The following HTR1F variants were observed in gnomAD, a reference collection of about 807,000 sequenced individuals.
HTR1F encodes 5-hydroxytryptamine (serotonin) receptor 1F, G protein-coupled.
A neutral mutation model predicts 24.0 loss-of-function variants in HTR1F; 17 were observed. The observed-to-expected ratio is 0.71, with a 90% CI of 0.48 to 1.06. The LOEUF (loss-of-function observed/expected upper bound fraction) is 1.06. Ranked by LOEUF, HTR1F falls within the 50% of genes least tolerant of loss-of-function variation. The probability of loss-of-function intolerance (pLI) is 0.00; values close to 1 mark genes in which losing one functional copy is unlikely to be tolerated. For synonymous variants in HTR1F, 186 were observed against 156.8 expected (o/e 1.19, Z -1.39); for missense variants, 391 against 427.8 (o/e 0.91, Z 0.76).
At chr3:87,848,677 G>T (rs1705005371) in intron 2 of HTR1F, among the ~76,000 whole-genome samples, 1 of 151,788 alleles carries the variant, frequency 6.6e-6, no homozygotes, top group Non-Finnish European at 1.5e-5. Flanking sequence ...GTCCCTGTTT[G>T]CAGATGACAT....
At position 87,991,738 on chromosome 3, in the gene HTR1F, ATTT is replaced by A; in HGVS notation, c.993_995del (p.Phe331del). The stretch of plus-strand genomic sequence containing the variant: ...TGTAAAATTTCTGAAGAAATGTCCA[ATTT>A]TTTGGCATGGCTTGGGTATCTCAAT... On this transcript the variant is annotated inframe_deletion, in exon 3 of 3. Coordinates refer to ENST00000319595, the MANE Select transcript of HTR1F (RefSeq NM_001322209.2). 1 of 1,613,880 alleles carries A rather than the reference ATTT, an allele frequency of 6.2e-7. No individual in the cohort carries two copies. The highest frequency in any genetic ancestry group is 2.2e-5 in the East Asian group (1 of 44,868).
In HTR1F at chr3:87,878,696, G is replaced by C. The variant is rs550908456; in HGVS notation, c.-43+56572G>C. On this transcript the variant is annotated intron_variant, in intron 2 of 2. Transcript: ENST00000319595. Reference sequence around the variant, plus strand: ...ACACACACACAAACACACACACACAGATTTTTTTTTGTTGAAATGGAGGAA... The same window carrying C: ...ACACACACACAAACACACACACACACATTTTTTTTTGTTGAAATGGAGGAA... Among the ~76,000 whole-genome samples the C allele has an allele frequency of 6.8e-3, 1,031 of 151,578 alleles. 6 individuals carry two copies. Among genetic ancestry groups the C allele is most frequent in the Non-Finnish European group, 0.011 (736 of 67,872 alleles).
chr3:87,824,502 G>A (rs965311406), intron 2 of HTR1F, among the ~76,000 whole-genome samples: 3 of 152,076 alleles, frequency 2.0e-5, no homozygotes, highest in African/African-American at 7.2e-5. Flanking sequence ...CTCTCTATTA[G>A]GAAAACATTT....
chr3:87,968,501 C>T lies in HTR1F; in HGVS notation c.-42-22207C>T, dbSNP rs183328097. On this transcript the variant is annotated intron_variant, in intron 2 of 2. Transcript: ENST00000319595. ...TGCTGGGATTACAAGCATGAACCACCGCACCTGGCCAGGCAGAAGAAATTT... is the reference window on the plus strand; with the variant it reads ...TGCTGGGATTACAAGCATGAACCACTGCACCTGGCCAGGCAGAAGAAATTT... Among the ~76,000 whole-genome samples the T allele has an allele frequency of 4.5e-4, 69 of 152,156 alleles. 1 individual carries two copies. The East Asian group carries it at 7.3e-3, about 16-fold the overall frequency.
chr3:87,843,977 G>T (rs539072220), intron 2 of HTR1F, among the ~76,000 whole-genome samples: 1 of 150,904 alleles, frequency 6.6e-6, no homozygotes, highest in South Asian at 2.1e-4. Flanking sequence ...GAATAATGCT[G>T]CAATAAACAT....
At chr3:87,989,920 T>C (rs1705781078) in intron 2 of HTR1F, among the ~76,000 whole-genome samples, 1 of 152,208 alleles carries the variant, frequency 6.6e-6, no homozygotes, top group Non-Finnish European at 1.5e-5. Context: ...TATGTCTTCA[T>C]GTAAGTGTGC....
intron 1 of HTR1F, among the ~76,000 whole-genome samples, chr3:87,798,941 A>T (rs1703949832): frequency 1.3e-5 from 2 of 152,116 alleles, no homozygotes; most frequent in Non-Finnish European, 2.9e-5. Context: ...GCCCATTCTT[A>T]GCTCTCTTGT....
intron 2 of HTR1F, among the ~76,000 whole-genome samples, chr3:87,877,555 G>C (rs1474735574): frequency 6.6e-6 from 1 of 152,080 alleles, no homozygotes; most frequent in Admixed American, 6.6e-5. Context: ...ATGCATTATA[G>C]CTTTATATCA....
At chr3:87,951,553 T>C (rs1704833455) in intron 2 of HTR1F, among the ~76,000 whole-genome samples, 1 of 152,112 alleles carries the variant, frequency 6.6e-6, no homozygotes, top group Non-Finnish European at 1.5e-5. Flanking sequence ...TTACAGAAAT[T>C]TCTCACATAC....
At chr3:87,946,550 T>G (rs1576074898) in intron 2 of HTR1F, among the ~76,000 whole-genome samples, 1 of 151,508 alleles carries the variant, frequency 6.6e-6, no homozygotes, top group South Asian at 2.1e-4. Flanking sequence ...TAAAAAAAAT[T>G]TAATGTACCT....
chr3:87,870,623 C>G (rs773125926), intron 2 of HTR1F, among the ~76,000 whole-genome samples: 2 of 151,950 alleles, frequency 1.3e-5, no homozygotes, highest in African/African-American at 2.4e-5. Context: ...TTTCATGGGG[C>G]TGCCTGAGGA....
chr3:87,934,179 A>G (rs1477182689), intron 2 of HTR1F, among the ~76,000 whole-genome samples: 1 of 152,246 alleles, frequency 6.6e-6, no homozygotes, highest in Non-Finnish European at 1.5e-5. Context: ...GCATATCAAG[A>G]AAACACTAGT....
At chr3:87,884,482 C>G (rs1444355122) in intron 2 of HTR1F, among the ~76,000 whole-genome samples, 2 of 152,104 alleles carry the variant, frequency 1.3e-5, no homozygotes, top group Non-Finnish European at 2.9e-5. Flanking sequence ...ATGACAAGAT[C>G]AAATACACAC....
chr3:87,922,127 A>G (rs1271026673), intron 2 of HTR1F, among the ~76,000 whole-genome samples: 1 of 151,956 alleles, frequency 6.6e-6, no homozygotes, highest in Admixed American at 6.6e-5. Context: ...TGGGCATACT[A>G]ATTTACATTT....
intron 1 of HTR1F, among the ~76,000 whole-genome samples, chr3:87,818,563 A>C (rs1322464164): frequency 6.6e-6 from 1 of 152,180 alleles, no homozygotes; most frequent in African/African-American, 2.4e-5. Context: ...AGAGACCTGC[A>C]GTCCTGCCAT....
chr3:87,954,269 C>T (rs1427167020), intron 2 of HTR1F, among the ~76,000 whole-genome samples: 1 of 151,732 alleles, frequency 6.6e-6, no homozygotes, highest in Non-Finnish European at 1.5e-5. Context: ...TTGATCATTA[C>T]ACATTATGTA....
At chr3:87,870,764 T>C (rs1003994079) in intron 2 of HTR1F, among the ~76,000 whole-genome samples, 5 of 151,988 alleles carry the variant, frequency 3.3e-5, no homozygotes, top group African/African-American at 7.2e-5. Flanking sequence ...GTACCACAGA[T>C]AGGTGCTAGA....
chr3:87,977,780 G>T (rs1454410025), intron 2 of HTR1F, among the ~76,000 whole-genome samples: 2 of 151,880 alleles, frequency 1.3e-5, no homozygotes, highest in Non-Finnish European at 1.5e-5. Flanking sequence ...TATTATGTGG[G>T]GGAGTCACTT....
At chr3:87,919,567 TA>T (rs1703966903) in intron 2 of HTR1F, among the ~76,000 whole-genome samples, 1 of 151,530 alleles carries the variant, frequency 6.6e-6, no homozygotes, top group South Asian at 2.1e-4. Context: ...AGGACATGAA[TA>T]AACAATTCTC....
Sources: allele counts gnomAD v4.1 joint callset (sites outside exome capture counted in the v4.1 genomes callset), GRCh38; gene constraint gnomAD v4.1.1; transcripts MANE v1.5; gene names NCBI Gene and HGNC (gene_info 2026-07-23, HGNC 2026-07-21).